ADGRB1: variants seen among roughly 807,000 people sequenced by gnomAD.
ADGRB1 encodes the protein adhesion G protein-coupled receptor B1.
ADGRB1 carries 36 observed loss-of-function variants against 175.7 expected under a neutral mutation model. That is an observed-to-expected ratio of 0.20 (90% CI 0.16 to 0.27). ADGRB1 has a LOEUF of 0.27. ADGRB1 is among the 10% of genes least tolerant of loss of function. ADGRB1 has a pLI of 1.00. For synonymous variants in ADGRB1, 1,054 were observed against 979.4 expected, an observed-to-expected ratio of 1.08 and a Z score of -1.42; for missense variants, 1,731 against 2,255.3, an observed-to-expected ratio of 0.77 and a Z score of 4.71.
At position 142,474,412 on chromosome 8, in the gene ADGRB1, C is replaced by A. The variant is rs144954872; in HGVS notation, c.785-1062C>A. On this transcript the variant is annotated intron_variant, in intron 2 of 30. Coordinates refer to ENST00000517894, the MANE Select transcript of ADGRB1 (RefSeq NM_001702.3). This position sits in a 1 kb window ranked among gnomAD's most constrained non-coding sequence, Gnocchi z 5.8. Reference sequence around the variant, plus strand: ...CAGCACTTGGCAAGGGCTGCATGCCCTTTCCAAGTCGCCCGACCCTGCTGC... The same window carrying A: ...CAGCACTTGGCAAGGGCTGCATGCCATTTCCAAGTCGCCCGACCCTGCTGC... Among the ~76,000 whole-genome samples, 914 of 152,288 alleles carry A rather than the reference C, an allele frequency of 6.0e-3. 9 individuals carry two copies. The highest frequency in any genetic ancestry group is 0.02 in the African/African-American group (841 of 41,570).
intron 25 of ADGRB1, among the ~76,000 whole-genome samples, chr8:142,536,654 G>GACAT (rs1430072775): frequency 5.9e-5 from 9 of 152,050 alleles, no homozygotes; most frequent in African/African-American, 2.2e-4. Context: ...CAGGTCCAGG[G>GACAT]ACATCTTCGG....
chr8:142,485,034 C>T (rs1347806606), intron 13 of ADGRB1, among the ~76,000 whole-genome samples: 2 of 152,164 alleles, frequency 1.3e-5, no homozygotes, highest in African/African-American at 2.4e-5. Flanking sequence ...GGGGCCAGAG[C>T]GTATTCTGCC....
chr8:142,488,452 G>C lies in ADGRB1; in HGVS notation c.2397G>C (p.Lys799Asn). 6.2e-7 allele frequency: 1 copy of C among 1,613,122 alleles called. No individual in the cohort carries two copies. The highest frequency in any genetic ancestry group is 8.5e-7 in the Non-Finnish European group (1 of 1,179,838). ...KGWRATGDWA[K>N]VPEDRVTVSK... ...GGCGGGCCACGGGTGACTGGGCCAAGGTGCCAGAGGACAGGGTCACTGTGT... is the reference window on the plus strand; with the variant it reads ...GGCGGGCCACGGGTGACTGGGCCAACGTGCCAGAGGACAGGGTCACTGTGT... The change falls in exon 14 of 31, where the codon AAG becomes AAC. Residue 799 changes from lysine to asparagine, a missense_variant. Coordinates refer to ENST00000517894, the MANE Select transcript of ADGRB1 (RefSeq NM_001702.3).
rs918809583 is a variant in ADGRB1 at position 142,455,493 on chromosome 8, A to G, written c.-220+5389A>G. The stretch of plus-strand genomic sequence containing the variant: ...CCACTTGCCTTCCTGGGAGAGGAGC[A>G]TGCGGCAGGCTGGTCCCCTGCAGCC... On this transcript the variant is annotated intron_variant, in intron 1 of 30. Coordinates refer to ENST00000517894, the MANE Select transcript of ADGRB1 (RefSeq NM_001702.3). The surrounding 1 kb of genome is among the most constrained non-coding windows in gnomAD (Gnocchi z 4.9). Among the ~76,000 whole-genome samples the G allele has an allele frequency of 4.6e-5, 7 of 152,198 alleles. No individual in the cohort carries two copies. The highest frequency in any genetic ancestry group is 1.7e-4 in the African/African-American group (7 of 41,452).
At chr8:142,526,822 A>C (rs1369271164) in intron 24 of ADGRB1, among the ~76,000 whole-genome samples, 195 bp downstream of exon 24, 1 of 152,208 alleles carries the variant, frequency 6.6e-6, no homozygotes, top group Non-Finnish European at 1.5e-5. Context: ...ACCGTGCCTC[A>C]GTTTCTCCAT....
At chr8:142,479,983 C>T (rs1379477077) in intron 9 of ADGRB1, among the ~76,000 whole-genome samples, 189 bp downstream of exon 9, 6 of 152,214 alleles carry the variant, frequency 3.9e-5, no homozygotes, top group African/African-American at 1.4e-4. Context: ...AGCTGCTGTT[C>T]TGAGCACTCG....
At chr8:142,465,045 CA>C in intron 2 of ADGRB1, 63 bp downstream of exon 2, 4 of 877,566 alleles carry the variant, frequency 4.6e-6, no homozygotes, top group Non-Finnish European at 5.7e-6. Flanking sequence ...GGCGGGCAGA[CA>C]GGGGAGGCGG....
At chr8:142,526,503 G>GCCCCCCCCCCCCCCCCCCCCCC in intron 23 of ADGRB1, 39 bp from the exon 24 acceptor site, 5 of 1,259,240 alleles carry the variant, frequency 4.0e-6, no homozygotes, top group Middle Eastern at 2.0e-4. Flanking sequence ...GCCTACGGCG[G>GCCCCCCCCCCCCCCCCCCCCCC]CCCCCACCCC....
chr8:142,483,792 T>C (rs564112331), intron 11 of ADGRB1, among the ~76,000 whole-genome samples, 185 bp from the exon 12 acceptor site: 1 of 151,636 alleles, frequency 6.6e-6, no homozygotes, highest in Non-Finnish European at 1.5e-5. Context: ...GCCTCGATCC[T>C]GGTTACACAC....
chr8:142,469,391 A>G (rs1224196057), intron 2 of ADGRB1, among the ~76,000 whole-genome samples: 6 of 124,202 alleles, frequency 4.8e-5, no homozygotes, highest in Non-Finnish European at 1.0e-4. Context: ...GGGAGTGTGT[A>G]TGTGCACATG....
chr8:142,479,382 G>A lies in ADGRB1; in HGVS notation c.1621G>A (p.Gly541Ser). The A allele has an allele frequency of 6.5e-7, 1 of 1,534,346 alleles. No individual in the cohort carries two copies. Among genetic ancestry groups the A allele is most frequent in the Non-Finnish European group, 8.7e-7 (1 of 1,144,816 alleles). Residue 541 changes from glycine (G) to serine (S), a missense_variant, in exon 8 of 31, where the codon GGC becomes AGC. Coordinates refer to ENST00000517894, the MANE Select transcript of ADGRB1 (RefSeq NM_001702.3). ...CAGTTGCAGCGTCACGTGTGGGGCT[G>A]GCAGCCAGCGACGGGAGCGTGTCTG... ...WGSCSVTCGAGSQRRERVCSG... is the reference protein window; with the variant it reads ...WGSCSVTCGASSQRRERVCSG...
At chr8:142,536,894 G>A (rs879123769) in intron 25 of ADGRB1, 93 bp from the exon 26 acceptor site, 18 of 1,101,190 alleles carry the variant, frequency 1.6e-5, no homozygotes, top group Middle Eastern at 5.2e-4. Context: ...TCCCCGAGAC[G>A]CCCGCCCCCC....
Position 142,464,280 on chromosome 8 carries a change from G to T in ADGRB1, c.82G>T (p.Ala28Ser). 1 of 1,362,302 alleles carries T rather than the reference G, an allele frequency of 7.3e-7. No individual in the cohort carries two copies. The highest frequency in any genetic ancestry group is 9.4e-7 in the Non-Finnish European group (1 of 1,066,116). The allele number at this position is 1,362,302 out of a possible 1,614,324, so 84.4% of individuals were successfully genotyped here. A position where few individuals can be genotyped will look rare whatever the true frequency, so the allele number is the denominator to read the frequency against. Residue 28 changes from alanine to serine, a missense_variant, in exon 2 of 31, where the codon GCG becomes TCG. By Grantham distance (99) the Ala-to-Ser change is moderately conservative. This residue lies in a region of ADGRB1 where 383 missense variants were observed against 383.1 expected (regional missense o/e 1.00). Coordinates refer to ENST00000517894, the MANE Select transcript of ADGRB1 (RefSeq NM_001702.3). ...GCTGCTGCTGCTGCTGGGACGCCGC[G>T]CGCGGGCGGCCGCCGGAGCAGACGC... The part of the protein sequence containing the change: ...LLLLLLLGRR[A>S]RAAAGADAGP...
chr8:142,484,662 C>T lies in ADGRB1; in HGVS notation c.2206C>T (p.Pro736Ser). 3 of 1,609,460 alleles carry T rather than the reference C, an allele frequency of 1.9e-6. No homozygotes were observed. The highest frequency in any genetic ancestry group is 2.5e-6 in the Non-Finnish European group (3 of 1,178,426). Reference protein sequence around the residue: ...DKWEEAQLAGPNAKELFRLVE... With the variant: ...DKWEEAQLAGSNAKELFRLVE... ...TCACCCCCCTGCCCTCCAGGCGGGC[C>T]CCAACGCCAAGGAGCTGTTCCGGCT... is the stretch of plus-strand genomic sequence containing the variant. The change falls in exon 13 of 31, where the codon CCC becomes TCC. Residue 736 changes from proline to serine, a missense_variant. Coordinates refer to ENST00000517894, the MANE Select transcript of ADGRB1 (RefSeq NM_001702.3).
Position 142,544,236 on chromosome 8 carries a change from C to A in ADGRB1, c.4574C>A (p.Thr1525Lys). ...ACCCAGCAGCCGGAAAAGCAGCAGA[C>A]GCCCAACAAGAGGCCCTGGGAGAGC... ...GPDSKPEKQQ[T>K]PNKRPWESLR... is the part of the protein sequence containing the mutation. Residue 1525 changes from threonine to lysine, a missense_variant, in exon 31 of 31, where the codon ACG becomes AAG. Physicochemically the swap from Thr to Lys is moderately conservative, Grantham distance 78 (BLOSUM62 -1). Coordinates refer to ENST00000517894, the MANE Select transcript of ADGRB1 (RefSeq NM_001702.3). The A allele has an allele frequency of 6.5e-7, 1 of 1,548,998 alleles. No homozygotes were observed. Among genetic ancestry groups the A allele is most frequent in the South Asian group, 1.2e-5 (1 of 84,014 alleles).
chr8:142,464,325 T>C lies in ADGRB1; in HGVS notation c.127T>C (p.Cys43Arg). ...GADAGPGPEP[C>R]ATLVQGKFFG... The stretch of plus-strand genomic sequence containing the variant: ...AGACGCGGGGCCCGGGCCCGAGCCG[T>C]GCGCCACGCTGGTGCAGGGAAAGTT... The change falls in exon 2 of 31, where the codon TGC becomes CGC. Residue 43 changes from cysteine (C) to arginine (R), a missense_variant. Cys to Arg is a radical substitution (Grantham distance 180, BLOSUM62 -3). Coordinates refer to ENST00000517894, the MANE Select transcript of ADGRB1 (RefSeq NM_001702.3). The C allele has an allele frequency of 6.7e-7, 1 of 1,494,728 alleles. No individual in the cohort carries two copies. Among genetic ancestry groups the C allele is most frequent in the Non-Finnish European group, 8.9e-7 (1 of 1,128,540 alleles). The allele number at this position is 1,494,728 out of a possible 1,614,324, so 92.6% of individuals were successfully genotyped here.
intron 17 of ADGRB1, among the ~76,000 whole-genome samples, chr8:142,508,265 G>A (rs1025318195): frequency 6.6e-6 from 1 of 152,198 alleles, no homozygotes; most frequent in Admixed American, 6.5e-5. Context: ...TGCCTGGGGT[G>A]GGTCTCAGGT....
chr8:142,527,846 C>T (rs926712862), intron 24 of ADGRB1, among the ~76,000 whole-genome samples: 4 of 152,220 alleles, frequency 2.6e-5, no homozygotes, highest in Non-Finnish European at 5.9e-5. Context: ...TGGTTATAGT[C>T]CCATCTTAAA....
intron 23 of ADGRB1, 38 bp from the exon 24 acceptor site, chr8:142,526,504 C>A: frequency 1.3e-6 from 1 of 786,192 alleles, no homozygotes; most frequent in East Asian, 3.3e-5. Flanking sequence ...CCTACGGCGG[C>A]CCCCACCCCC....
Sources: gnomAD v4.1 joint callset for allele counts (sites outside exome capture counted in the v4.1 genomes callset) on GRCh38, gnomAD v4.1.1 for gene constraint, gnomAD v4.1.1 regional missense constraint, Gnocchi (gnomAD v3.1) non-coding constraint, MANE v1.5 for transcripts, NCBI Gene and HGNC (gene_info 2026-07-23, HGNC 2026-07-21) for gene names.